Variants in ZDHHC17 observed in about 807,000 individuals in gnomAD.
ZDHHC17 encodes palmitoyltransferase ZDHHC17.
Under a neutral mutation model 90.3 loss-of-function variants are expected in ZDHHC17, and 40 were observed. The observed-to-expected ratio is 0.44, with a 90% CI of 0.34 to 0.58. The LOEUF is 0.58. Among genes scored for constraint, ZDHHC17 ranks in the 20% least tolerant of loss-of-function variants. The pLI is 0.01. For missense variants in ZDHHC17, 614 were observed against 780.8 expected, an observed-to-expected ratio of 0.79 and a Z score of 2.55; for synonymous variants, 235 against 252.4, an observed-to-expected ratio of 0.93 and a Z score of 0.65.
At chr12:76,813,484 C>G in intron 5 of ZDHHC17, 1 of 326,872 alleles carries the variant, frequency 3.1e-6, no homozygotes. Flanking sequence ...CAAGGAAATG[C>G]TTTACTTATC....
chr12:76,797,455 T>C lies in ZDHHC17; in HGVS notation c.115T>C (p.Tyr39His). Residue 39 changes from tyrosine (Y) to histidine (H), a missense_variant, in exon 2 of 17, where the codon TAT becomes CAT. Physicochemically the swap from Tyr to His is moderately conservative, Grantham distance 83. Transcript: ENST00000426126. Reference sequence around the variant, plus strand: ...ACAGGAAATCAAACCCCAAAGCCATTATAACCATGGATATGGTGAACCTCT... The same window carrying C: ...ACAGGAAATCAAACCCCAAAGCCATCATAACCATGGATATGGTGAACCTCT... ...HPEEIKPQSH[Y>H]NHGYGEPLGR... 6.2e-7 allele frequency: 1 copy of C among 1,608,142 alleles called. No homozygotes were observed. The highest frequency in any genetic ancestry group is 8.5e-7 in the Non-Finnish European group (1 of 1,177,154).
intron 1 of ZDHHC17, among the ~76,000 whole-genome samples, chr12:76,795,184 T>G (rs1952804083): frequency 6.6e-6 from 1 of 152,026 alleles, no homozygotes; most frequent in Non-Finnish European, 1.5e-5. Context: ...TCTGATGCTG[T>G]CTCTGTTTTA....
At chr12:76,773,384 T>C (rs1282908734) in intron 1 of ZDHHC17, among the ~76,000 whole-genome samples, 1 of 152,230 alleles carries the variant, frequency 6.6e-6, no homozygotes, top group Non-Finnish European at 1.5e-5. Flanking sequence ...AATATTCATT[T>C]AAAGTTCCTC....
chr12:76,834,762 C>CT (rs1159908686), intron 10 of ZDHHC17, among the ~76,000 whole-genome samples: 1 of 152,146 alleles, frequency 6.6e-6, no homozygotes, highest in Non-Finnish European at 1.5e-5. Context: ...GGATCAGTAT[C>CT]TTTTTCCCTC....
In ZDHHC17 at chr12:76,815,933, C is replaced by G. The variant is rs760785281; in HGVS notation, c.685C>G (p.Leu229Val). 15 of 1,581,644 alleles carry G rather than the reference C, an allele frequency of 9.5e-6. No homozygotes were observed. In the Admixed American group the frequency reaches 2.7e-4, roughly 28 times the overall value. ...LGDKYHKNTALHWAVLAGNTT... is the reference protein window; with the variant it reads ...LGDKYHKNTAVHWAVLAGNTT... Reference sequence around the variant, plus strand: ...TGACAAGTATCACAAAAACACTGCTCTGCATTGGGCAGTGCTAGCAGGGAA... The same window carrying G: ...TGACAAGTATCACAAAAACACTGCTGTGCATTGGGCAGTGCTAGCAGGGAA... The change falls in exon 7 of 17, where the codon CTG (leucine) becomes GTG (valine). Residue 229 changes from leucine (L) to valine (V), a missense_variant. Around this residue, in one of 5 missense-constraint regions of ZDHHC17, gnomAD observed 358 missense variants for 380.4 expected, o/e 0.94. Transcript: ENST00000426126.
chr12:76,838,192 T>C (rs1476059714), intron 10 of ZDHHC17, among the ~76,000 whole-genome samples: 8 of 152,210 alleles, frequency 5.3e-5, no homozygotes. Flanking sequence ...GAAGCATCTT[T>C]GGTTAATTTG....
At position 76,809,871 on chromosome 12, in the gene ZDHHC17, C is replaced by T; in HGVS notation, c.543+14C>T. ...GCAAAAGGACAGGTAAAAAAAATCT[C>T]AGTGGTATGGATTTTAATCAGATGT... is the stretch of plus-strand genomic sequence containing the variant. On this transcript the variant is annotated intron_variant, in intron 5 of 16. Coordinates refer to ENST00000426126, the MANE Select transcript of ZDHHC17 (RefSeq NM_015336.4). 6.2e-7 allele frequency: 1 copy of T among 1,605,494 alleles called. No homozygotes were observed.
At chr12:76,829,193 T>C (rs1338040763) in intron 10 of ZDHHC17, among the ~76,000 whole-genome samples, 2 of 152,044 alleles carry the variant, frequency 1.3e-5, no homozygotes, top group African/African-American at 2.4e-5. Flanking sequence ...GCGCTGCGTC[T>C]CACACCTGTA....
Position 76,809,828 on chromosome 12 carries a change from A to T in ZDHHC17, c.514A>T (p.Ile172Phe). The T allele has an allele frequency of 6.2e-7, 1 of 1,611,302 alleles. No individual in the cohort carries two copies. The highest frequency in any genetic ancestry group is 8.5e-7 in the Non-Finnish European group (1 of 1,178,722). ...GGCTGCTCAGTTCGGACATACCTCA[A>T]TTGTTGCTTATCTCATAGCAAAAGG... ...HLAAQFGHTS[I>F]VAYLIAKGQD... The change falls in exon 5 of 17, where the codon ATT becomes TTT. Residue 172 changes from isoleucine (I) to phenylalanine (F), a missense_variant. Ile to Phe is a conservative substitution (Grantham distance 21). This residue lies in a region of ZDHHC17 where 358 missense variants were observed against 380.4 expected (regional missense o/e 0.94). Coordinates refer to ENST00000426126, the MANE Select transcript of ZDHHC17 (RefSeq NM_015336.4).
intron 1 of ZDHHC17, among the ~76,000 whole-genome samples, chr12:76,776,526 TA>T (rs1434527202): frequency 2.0e-5 from 3 of 152,210 alleles, no homozygotes; most frequent in Non-Finnish European, 4.4e-5. Flanking sequence ...TGTTATGTTA[TA>T]AAATCTGTAT....
At chr12:76,802,419 G>T (rs895721138) in intron 2 of ZDHHC17, among the ~76,000 whole-genome samples, 2 of 152,176 alleles carry the variant, frequency 1.3e-5, no homozygotes, top group African/African-American at 4.8e-5. Flanking sequence ...ATATGTCTCA[G>T]TGTGGGTGTC....
chr12:76,810,845 A>G (rs1018460320), intron 5 of ZDHHC17, among the ~76,000 whole-genome samples: 1 of 152,134 alleles, frequency 6.6e-6, no homozygotes, highest in African/African-American at 2.4e-5. Context: ...TGGTGGCTGC[A>G]GTTGTCTGGC....
intron 1 of ZDHHC17, among the ~76,000 whole-genome samples, chr12:76,785,945 TTAAG>T (rs367655101): frequency 2.6e-5 from 4 of 152,142 alleles, no homozygotes; most frequent in East Asian, 1.9e-4. Context: ...TTTAAGGATT[TTAAG>T]TAAGGGAGTG....
intron 1 of ZDHHC17, among the ~76,000 whole-genome samples, chr12:76,789,785 G>A (rs116998410): frequency 0.012 from 1,772 of 152,106 alleles, 11 homozygotes; most frequent in Non-Finnish European, 0.017. Context: ...TGAGAAAAAC[G>A]TCAAAGAAAT....
chr12:76,785,226 G>T (rs1003103197), intron 1 of ZDHHC17, among the ~76,000 whole-genome samples: 3 of 152,018 alleles, frequency 2.0e-5, no homozygotes, highest in Admixed American at 6.6e-5. Flanking sequence ...GCATTAACTT[G>T]GTTAAATTGC....
At chr12:76,791,141 T>G (rs1373580333) in intron 1 of ZDHHC17, among the ~76,000 whole-genome samples, 4 of 152,210 alleles carry the variant, frequency 2.6e-5, no homozygotes, top group Non-Finnish European at 2.9e-5. Flanking sequence ...TCAGGTAGGT[T>G]GTAAGAGTCT....
At chr12:76,828,782 C>G (rs1953261318) in intron 10 of ZDHHC17, among the ~76,000 whole-genome samples, 1 of 152,030 alleles carries the variant, frequency 6.6e-6, no homozygotes, top group South Asian at 2.1e-4. Context: ...GTATTGTTAT[C>G]CCCCTTTTCC....
chr12:76,827,120 A>G (rs1953239184), intron 9 of ZDHHC17, 70 bp downstream of exon 9: 3 of 1,435,846 alleles, frequency 2.1e-6, no homozygotes, highest in African/African-American at 1.5e-5. Flanking sequence ...CTTGTATAAA[A>G]TTAATGTTTG....
In ZDHHC17 at chr12:76,828,399, C is replaced by T. The variant is rs762502926; in HGVS notation, c.1050C>T (p.Phe350=). The T allele has an allele frequency of 6.3e-6, 10 of 1,594,100 alleles. No individual in the cohort carries two copies. Among genetic ancestry groups the T allele is most frequent in the African/African-American group, 2.7e-5 (2 of 73,782 alleles). The part of the protein sequence containing the change: ...ATVQFLSKSF[F]DHSMHSALPL... The stretch of plus-strand genomic sequence containing the variant: ...AACTTGTGTTTTACAGATCCTTTTT[C>T]GATCATTCAATGCATAGTGCATTGC... The change falls in exon 10 of 17, where the codon TTC becomes TTT. Residue 350 remains phenylalanine (F), a synonymous_variant. Transcript: ENST00000426126.
Sources: allele counts gnomAD v4.1 joint callset (sites outside exome capture counted in the v4.1 genomes callset), GRCh38; gene constraint gnomAD v4.1.1; regional missense constraint gnomAD v4.1.1; transcripts MANE v1.5; gene names NCBI Gene and HGNC (gene_info 2026-07-23, HGNC 2026-07-21).